NIPAL4: variants seen among roughly 807,000 people sequenced by gnomAD.
The protein encoded by NIPAL4 is magnesium transporter NIPA4.
In NIPAL4, 21 loss-of-function variants were observed where a neutral mutation model predicts 31.6. The ratio of observed to expected loss-of-function variants is 0.67; its 90% CI spans 0.47 to 0.96. The LOEUF is 0.96. NIPAL4 is among the 40% of genes least tolerant of loss of function. NIPAL4 has a pLI of 0.00. For synonymous variants in NIPAL4, 175 were observed against 211.1 expected, an observed-to-expected ratio of 0.83 and a Z score of 1.48; for missense variants, 438 against 508.0, an observed-to-expected ratio of 0.86 and a Z score of 1.32.
In NIPAL4 at chr5:157,470,711, T is replaced by C. The variant is rs570017889; in HGVS notation, c.426-946T>C. The stretch of plus-strand genomic sequence containing the variant: ...TTATGAATGACCCGAGGAGCAGAGA[T>C]AGAGCAAAAAATAGAAATTACCAGA... On this transcript the variant is annotated intron_variant, in intron 4 of 5. Coordinates refer to ENST00000311946, the MANE Select transcript of NIPAL4 (RefSeq NM_001099287.2). Among the ~76,000 whole-genome samples, 10 of 152,256 alleles carry C rather than the reference T, an allele frequency of 6.6e-5. No homozygotes were observed. The East Asian group carries it at 1.9e-3, about 29-fold the overall frequency.
rs775903553 is a variant in NIPAL4, at chr5:157,463,295, G to T, written c.239G>T (p.Gly80Val). ...IGSSVILKKK[G>V]LLRLVATGAT... is the part of the protein sequence containing the mutation. ...AGCAGCGTCATCCTCAAGAAGAAAG[G>T]CCTCTTGCGACTCGTGGCCACGGGA... The change falls in exon 2 of 6, where the codon GGC (glycine) becomes GTC (valine). Residue 80 changes from glycine to valine, a missense_variant. Physicochemically the swap from Gly to Val is moderately radical, Grantham distance 109. Coordinates refer to ENST00000311946, the MANE Select transcript of NIPAL4 (RefSeq NM_001099287.2). 25 of 1,613,108 alleles carry T rather than the reference G, an allele frequency of 1.5e-5. No homozygotes were observed.
chr5:157,461,900 G>A (rs1754120885), intron 1 of NIPAL4, among the ~76,000 whole-genome samples: 1 of 152,222 alleles, frequency 6.6e-6, no homozygotes, highest in African/African-American at 2.4e-5. Flanking sequence ...TGTCGTGGAA[G>A]AAAGGTCAAC....
rs1418877912 is a variant in NIPAL4, at chr5:157,472,539, A to G, written c.794A>G (p.Tyr265Cys). The G allele has an allele frequency of 6.2e-7, 1 of 1,613,778 alleles. No homozygotes were observed. The highest frequency in any genetic ancestry group is 1.3e-5 in the African/African-American group (1 of 74,874). The stretch of plus-strand genomic sequence containing the variant: ...CCAGTTGTCCGGCACCCGCTCCCCT[A>G]CATCCTGTCCCTCATCCTGGCACTG... ...GLPVVRHPLP[Y>C]ILSLILALSL... is the part of the protein sequence containing the mutation. Residue 265 changes from tyrosine to cysteine, a missense_variant, in exon 6 of 6, where the codon TAC (tyrosine) becomes TGC (cysteine). Transcript: ENST00000311946.
rs1273619380 is a variant in NIPAL4 at position 157,463,097 on chromosome 5, C to T, written c.41C>T (p.Ser14Phe). Residue 14 changes from serine to phenylalanine, a missense_variant, in exon 2 of 6, where the codon TCC (serine) becomes TTC (phenylalanine). Transcript: ENST00000311946. ...RVSNTSCENG[S>F]LLHLYCSSQE... is the part of the protein sequence containing the mutation. ...TCACTGTGGTCTTCCCATCCAGGTT[C>T]CCTGCTCCACCTCTACTGCTCCTCC... 1.5e-5 allele frequency: 24 copies of T among 1,613,780 alleles called. No individual in the cohort carries two copies. The highest frequency in any genetic ancestry group is 1.9e-5 in the Non-Finnish European group (23 of 1,179,776).
intron 4 of NIPAL4, among the ~76,000 whole-genome samples, 196 bp downstream of exon 4, chr5:157,469,008 G>C (rs1317852755): frequency 6.6e-6 from 1 of 152,194 alleles, no homozygotes; most frequent in Non-Finnish European, 1.5e-5. Context: ...GCATCCCCTT[G>C]ACTGGGTAAT....
intron 2 of NIPAL4, among the ~76,000 whole-genome samples, chr5:157,463,787 A>G (rs1754179584): frequency 6.6e-6 from 1 of 152,204 alleles, no homozygotes; most frequent in Admixed American, 6.5e-5. Flanking sequence ...GGGCTGCCAA[A>G]AAATGGTGAA....
chr5:157,463,023 G>A (rs1223632572), intron 1 of NIPAL4, 71 bp from the exon 2 acceptor site: 10 of 1,583,104 alleles, frequency 6.3e-6, no homozygotes, highest in Non-Finnish European at 1.7e-6. Context: ...TGAAACAGTG[G>A]CCAATTCCAA....
rs762456755 is a variant in NIPAL4 at position 157,467,108 on chromosome 5, A to G, written c.334+3A>G. 1.9e-6 allele frequency: 3 copies of G among 1,609,378 alleles called. No homozygotes were observed. The highest frequency in any genetic ancestry group is 2.6e-6 in the Non-Finnish European group (3 of 1,176,104). On this transcript the variant is annotated splice_donor_region_variant and intron_variant, in intron 3 of 5. Transcript: ENST00000311946. ...GTGGTGGGCTGGATTTCTCACCAGT[A>G]AGTGGGTTGTTTGTTACTAATAACA...
At position 157,471,825 on chromosome 5, in the gene NIPAL4, C is replaced by G; in HGVS notation, c.586+8C>G. The G allele has an allele frequency of 6.3e-7, 1 of 1,577,142 alleles. No homozygotes were observed. Among genetic ancestry groups the G allele is most frequent in the Non-Finnish European group, 8.6e-7 (1 of 1,160,412 alleles). On this transcript the variant is annotated splice_region_variant and intron_variant, in intron 5 of 5. Transcript: ENST00000311946. ...CCAAGATGAAAGACACAGGTAGACT[C>G]CAAGCCCCTGAAGAGCAGGAAAATA...
chr5:157,468,403 A>G (rs1754340466), intron 3 of NIPAL4, among the ~76,000 whole-genome samples: 1 of 152,222 alleles, frequency 6.6e-6, no homozygotes. Context: ...AAATACTGGC[A>G]GTCCCTGAGA....
chr5:157,462,187 T>C (rs1244137591), intron 1 of NIPAL4, among the ~76,000 whole-genome samples: 2 of 152,196 alleles, frequency 1.3e-5, no homozygotes, highest in East Asian at 3.9e-4. Flanking sequence ...GATAAGACTC[T>C]TGGGGAACTG....
chr5:157,461,749 G>T (rs1306223261), intron 1 of NIPAL4, among the ~76,000 whole-genome samples: 1 of 152,246 alleles, frequency 6.6e-6, no homozygotes, highest in South Asian at 2.1e-4. Context: ...GCCCCAGTGG[G>T]TGCTGGATCC....
Position 157,473,201 on chromosome 5 carries a change from T to G in NIPAL4, c.*241T>G. The G allele has an allele frequency of 7.7e-5, 31 of 404,538 alleles. No homozygotes were observed. The highest frequency in any genetic ancestry group is 1.5e-4 in the East Asian group (4 of 26,686). 25.1% of individuals were successfully genotyped at this position (404,538 alleles called of 1,614,324 possible). ...CCAAGTTTACATCAGTGCCTGCAGG[T>G]TCCCTGGACCTTCCTTCTCATTCAT... On this transcript the variant is annotated 3_prime_UTR_variant, in exon 6 of 6. Coordinates refer to ENST00000311946, the MANE Select transcript of NIPAL4 (RefSeq NM_001099287.2).
In NIPAL4 at chr5:157,471,817, G is replaced by T; in HGVS notation, c.586G>T (p.Gly196Trp). 1.3e-6 allele frequency: 2 copies of T among 1,582,714 alleles called. No homozygotes were observed. The highest frequency in any genetic ancestry group is 1.7e-6 in the Non-Finnish European group (2 of 1,163,768). ...GATGGCTTCCAAGATGAAAGACACAGGTAGACTCCAAGCCCCTGAAGAGCA... is the reference window on the plus strand; with the variant it reads ...GATGGCTTCCAAGATGAAAGACACATGTAGACTCCAAGCCCCTGAAGAGCA... ...MEMASKMKDTGFIVFAVLLLV... is the reference protein window; with the variant it reads ...MEMASKMKDTWFIVFAVLLLV... The change falls in exon 5 of 6, where the codon GGG becomes TGG. Residue 196 changes from glycine to tryptophan, a missense_variant and splice_region_variant. Coordinates refer to ENST00000311946, the MANE Select transcript of NIPAL4 (RefSeq NM_001099287.2).
rs781037046 is a variant in NIPAL4 at position 157,463,317 on chromosome 5, G to A, written c.261G>A (p.Thr87=). 63 of 1,610,946 alleles carry A rather than the reference G, an allele frequency of 3.9e-5. No homozygotes were observed. The highest frequency in any genetic ancestry group is 1.7e-4 in the Middle Eastern group (1 of 5,918). The change falls in exon 2 of 6, where the codon ACG becomes ACA. Residue 87 remains threonine, a synonymous_variant. Coordinates refer to ENST00000311946, the MANE Select transcript of NIPAL4 (RefSeq NM_001099287.2). Reference sequence around the variant, plus strand: ...AAGGCCTCTTGCGACTCGTGGCCACGGGAGCCACTCGAGCTGGTAGGTTCC... The same window carrying A: ...AAGGCCTCTTGCGACTCGTGGCCACAGGAGCCACTCGAGCTGGTAGGTTCC... ...KKKGLLRLVA[T]GATRAVDGGF... is the part of the protein sequence containing the mutation.
At chr5:157,463,380 C>G in intron 2 of NIPAL4, 47 bp downstream of exon 2, 1 of 1,549,842 alleles carries the variant, frequency 6.5e-7, no homozygotes, top group Non-Finnish European at 8.7e-7. Flanking sequence ...CAGCTGAGCT[C>G]TCACAAGGTC....
chr5:157,468,587 G>A (rs1476395123), intron 3 of NIPAL4, 135 bp from the exon 4 acceptor site: 1 of 659,148 alleles, frequency 1.5e-6, no homozygotes, highest in Non-Finnish European at 2.8e-6. Context: ...ACTCTCCAGG[G>A]AGAGAGCGTA....
intron 4 of NIPAL4, 141 bp downstream of exon 4, chr5:157,468,953 G>C (rs1754353381): frequency 5.0e-6 from 3 of 594,674 alleles, no homozygotes; most frequent in South Asian, 4.5e-5. Flanking sequence ...GCAGTGTGCT[G>C]TCCAGAGCTA....
At position 157,473,835 on chromosome 5, in the gene NIPAL4, T is replaced by C. The variant is rs1377688452; in HGVS notation, c.*875T>C. The C allele has an allele frequency of 1.1e-4, 16 of 152,192 alleles. No homozygotes were observed. The highest frequency in any genetic ancestry group is 9.8e-4 in the Admixed American group (15 of 15,290). 9.4% of individuals were successfully genotyped at this position (152,192 alleles called of 1,614,324 possible). The stretch of plus-strand genomic sequence containing the variant: ...GCAAATTCACTGCTTCAAAGTGGCC[T>C]GGCTGCCAAGCTAGAATTTGGCAGA... On this transcript the variant is annotated 3_prime_UTR_variant, in exon 6 of 6. Transcript: ENST00000311946.
Sources: allele counts gnomAD v4.1 joint callset (sites outside exome capture counted in the v4.1 genomes callset), GRCh38; gene constraint gnomAD v4.1.1; transcripts MANE v1.5; gene names NCBI Gene and HGNC (gene_info 2026-07-23, HGNC 2026-07-21).